C4orf50: variants seen among roughly 807,000 people sequenced by gnomAD.
C4orf50 encodes the protein chromosome 4 open reading frame 50.
Under a neutral mutation model 77.2 loss-of-function variants are expected in C4orf50, and 80 were observed. The ratio of observed to expected loss-of-function variants is 1.04; its 90% CI spans 0.87 to 1.25. The LOEUF (loss-of-function observed/expected upper bound fraction) is 1.25. Among genes scored for constraint, C4orf50 ranks in the 50% most tolerant of loss-of-function variants. The pLI is 0.00. For missense variants in C4orf50, 1,257 were observed against 1,152.9 expected (o/e 1.09, Z -1.31); for synonymous variants, 532 against 465.3 (o/e 1.14, Z -1.84).
exon 28 of C4orf50, chr4:5,988,480 C>G: frequency 1.9e-6 from 3 of 1,556,874 alleles, no homozygotes; most frequent in East Asian, 2.4e-5. Flanking sequence ...ATTGGCTACA[C>G]CAGTGTTTCT....
chr4:5,975,139 C>CAAAAAAAAAAAAAAAAAAAAAAAAAAA (rs763836859), intron 30 of C4orf50, among the ~76,000 whole-genome samples: 1 of 82,830 alleles, frequency 1.2e-5, no homozygotes, highest in Non-Finnish European at 2.4e-5. Flanking sequence ...CACTCCATCT[C>CAAAAAAAAAAAAAAAAAAAAAAAAAAA]AAAAAAAAAA....
intron 25 of C4orf50, among the ~76,000 whole-genome samples, chr4:5,995,302 G>C (rs1043489891): frequency 8.5e-5 from 13 of 152,136 alleles, no homozygotes; most frequent in African/African-American, 3.1e-4. Flanking sequence ...GGACCGTCCT[G>C]TCCTTCAACT....
At chr4:5,976,238 G>A (rs1421628729) in intron 29 of C4orf50, among the ~76,000 whole-genome samples, 1 of 151,534 alleles carries the variant, frequency 6.6e-6, no homozygotes, top group Non-Finnish European at 1.5e-5. Flanking sequence ...GAGGTCAGGA[G>A]ATCGAGACCA....
At chr4:5,936,333 G>A (rs1351301272) in intron 7 of C4orf50, among the ~76,000 whole-genome samples, 9 of 152,034 alleles carry the variant, frequency 5.9e-5, no homozygotes, top group Admixed American at 2.0e-4. Context: ...AGGCCGAGGC[G>A]GGTGGATCAC....
Position 5,919,283 on chromosome 4 carries a change from C to T in C4orf50, c.*2475-21095G>A, listed in dbSNP as rs182502780. ...CTTGAGGGTTGGCAGACCCAATGCC[C>T]GATTTCCATGGCTACCACAGCTCAG... is the stretch of plus-strand genomic sequence containing the variant. On this transcript the variant is annotated intron_variant, in intron 7 of 7. Transcript: ENST00000324058. This position sits in a 1 kb window ranked among gnomAD's most constrained non-coding sequence, Gnocchi z 6.5. 6.6e-6 allele frequency among the ~76,000 whole-genome samples: 1 copy of T among 152,162 alleles called. No individual in the cohort carries two copies. The highest frequency in any genetic ancestry group is 2.4e-5 in the African/African-American group (1 of 41,440).
intron 7 of C4orf50, among the ~76,000 whole-genome samples, chr4:5,948,867 A>C (rs939405451): frequency 6.6e-6 from 1 of 150,890 alleles, no homozygotes; most frequent in African/African-American, 2.4e-5. Context: ...AGGCTGAGGC[A>C]GGAGAATCAC....
chr4:6,004,274 G>GTGATGCTGA (rs1722096567), intron 25 of C4orf50, among the ~76,000 whole-genome samples: 1 of 47,214 alleles, frequency 2.1e-5, no homozygotes, highest in Non-Finnish European at 4.1e-5. Flanking sequence ...GGTGGTGATG[G>GTGATGCTGA]TGATGGTGAT....
intron 28 of C4orf50, 51 bp downstream of exon 6, chr4:5,988,296 C>A (rs1300750073): frequency 6.3e-7 from 1 of 1,580,126 alleles, no homozygotes; most frequent in East Asian, 2.2e-5. Context: ...GGGGTGGCCC[C>A]CGGAACAGAG....
At position 5,992,702 on chromosome 4, in the gene C4orf50, T is replaced by A; in HGVS notation, c.1221+101A>T. 5.0e-6 allele frequency: 2 copies of A among 398,028 alleles called. No homozygotes were observed. Among genetic ancestry groups the A allele is most frequent in the Non-Finnish European group, 8.9e-6 (2 of 225,748 alleles). 24.7% of individuals were successfully genotyped at this position (398,028 alleles called of 1,614,324 possible). A position where few individuals can be genotyped will look rare whatever the true frequency, so the allele number is the denominator to read the frequency against. On this transcript the variant is annotated intron_variant, in intron 27 of 33. Coordinates refer to ENST00000531445, the Ensembl canonical transcript of C4orf50. This position sits in a 1 kb window ranked among gnomAD's most constrained non-coding sequence, Gnocchi z 5.0. The stretch of plus-strand genomic sequence containing the variant: ...TGTTCTCCCAGACCTGGAGCTTCTT[T>A]ACCCCTCCCACATCCTGCGTGTGGC...
intron 33 of C4orf50, among the ~76,000 whole-genome samples, chr4:5,963,254 C>G (rs544052160): frequency 2.0e-5 from 3 of 152,054 alleles, no homozygotes; most frequent in Admixed American, 2.0e-4. Context: ...CTCAGCCCCT[C>G]GAAGTGCTGG....
Position 6,008,707 on chromosome 4 carries a change from A to C in C4orf50, c.427-175T>G, listed in dbSNP as rs1267426312. Among the ~76,000 whole-genome samples the C allele has an allele frequency of 6.6e-6, 1 of 152,062 alleles. No individual in the cohort carries two copies. The highest frequency in any genetic ancestry group is 1.5e-5 in the Non-Finnish European group (1 of 68,018). On this transcript the variant is annotated intron_variant, in intron 24 of 33. Transcript: ENST00000531445. The surrounding 1 kb of genome is among the most constrained non-coding windows in gnomAD (Gnocchi z 6.0). ...CTTTGACTGTTTTGGCATCCTCTTAAATTTTGCACGGAGGCAAGTGTCTCC... is the reference window on the plus strand; with the variant it reads ...CTTTGACTGTTTTGGCATCCTCTTACATTTTGCACGGAGGCAAGTGTCTCC...
At position 5,971,101 on chromosome 4, in the gene C4orf50, G is replaced by A. The variant is rs144253520; in HGVS notation, c.4104+2558C>T. On this transcript the variant is annotated intron_variant, in intron 31 of 33. Coordinates refer to ENST00000531445, the Ensembl canonical transcript of C4orf50. The stretch of plus-strand genomic sequence containing the variant: ...CTGGAAGGTACATCAGCCCTCCACC[G>A]CCTGGCTGAAGTTCCCAGGACCTGT... Among the ~76,000 whole-genome samples, 368 of 152,258 alleles carry A rather than the reference G, an allele frequency of 2.4e-3. 2 individuals carry two copies. Among genetic ancestry groups the A allele is most frequent in the African/African-American group, 7.8e-3 (326 of 41,530 alleles).
At chr4:6,010,256 G>A (rs1722439726) in intron 24 of C4orf50, among the ~76,000 whole-genome samples, 1 of 152,168 alleles carries the variant, frequency 6.6e-6, no homozygotes, top group African/African-American at 2.4e-5. Context: ...GGATGGTAAT[G>A]ATGAGGTACT....
intron 28 of C4orf50, among the ~76,000 whole-genome samples, chr4:5,982,780 C>T (rs537671467): frequency 6.6e-6 from 1 of 152,112 alleles, no homozygotes; most frequent in South Asian, 2.1e-4. Flanking sequence ...TGCACAGAAC[C>T]AGCCTGGGGG....
intron 28 of C4orf50, among the ~76,000 whole-genome samples, chr4:5,986,685 C>T (rs1002084554): frequency 1.3e-5 from 2 of 151,974 alleles, no homozygotes; most frequent in Non-Finnish European, 2.9e-5. Context: ...ACTACAGGTG[C>T]ATGCCACCAC....
chr4:6,016,458 A>G (rs1240132514), intron 23 of C4orf50, among the ~76,000 whole-genome samples: 1 of 152,226 alleles, frequency 6.6e-6, no homozygotes, highest in African/African-American at 2.4e-5. Context: ...CTGAGGCAGG[A>G]GAATCGCTTA....
At position 6,015,552 on chromosome 4, in the gene C4orf50, A is replaced by G. The variant is rs912607040; in HGVS notation, c.287+2593T>C. ...AGATTCCCAGCCAGGGCCACTGTCT[A>G]TGTGGAGTTTGCCCATTCTCCCCAT... On this transcript the variant is annotated intron_variant, in intron 23 of 33. Transcript: ENST00000531445. The surrounding 1 kb of genome is among the most constrained non-coding windows in gnomAD (Gnocchi z 4.4). Among the ~76,000 whole-genome samples the G allele has an allele frequency of 1.3e-5, 2 of 151,878 alleles. No individual in the cohort carries two copies. The highest frequency in any genetic ancestry group is 4.8e-5 in the African/African-American group (2 of 41,322).
At chr4:5,996,693 G>T (rs561374359) in intron 25 of C4orf50, among the ~76,000 whole-genome samples, 1 of 152,148 alleles carries the variant, frequency 6.6e-6, no homozygotes, top group Non-Finnish European at 1.5e-5. Flanking sequence ...CTTCTCAAAG[G>T]CCAGGGGCCT....
In C4orf50 at chr4:6,011,802, G is replaced by A. The variant is rs530889151; in HGVS notation, c.426+28C>T. 1.4e-4 allele frequency: 54 copies of A among 399,094 alleles called. 1 individual carries two copies. The South Asian group carries it at 6.2e-3, about 46-fold the overall frequency. The allele number at this position is 399,094 out of a possible 1,614,324, so 24.7% of individuals were successfully genotyped here. On this transcript the variant is annotated intron_variant, in intron 24 of 33. Transcript: ENST00000531445. The surrounding 1 kb of genome is among the most constrained non-coding windows in gnomAD (Gnocchi z 4.2). Reference sequence around the variant, plus strand: ...CCACGGCTCTGCTGGACAGGAAACAGGGCCTGGAAAGGAGAAGGAAACGGT... The same window carrying A: ...CCACGGCTCTGCTGGACAGGAAACAAGGCCTGGAAAGGAGAAGGAAACGGT...
Sources: allele counts gnomAD v4.1 joint callset (sites outside exome capture counted in the v4.1 genomes callset), GRCh38; gene constraint gnomAD v4.1.1; non-coding constraint Gnocchi (gnomAD v3.1); transcripts MANE v1.5; gene names NCBI Gene and HGNC (gene_info 2026-07-23, HGNC 2026-07-21).